RAB3B: variants seen among roughly 807,000 people sequenced by gnomAD.
RAB3B encodes ras-related protein Rab-3B.
A neutral mutation model predicts 20.5 loss-of-function variants in RAB3B; 11 were observed. The observed-to-expected ratio is 0.54, with a 90% CI of 0.34 to 0.89. The LOEUF is 0.89. Among genes scored for constraint, RAB3B ranks in the 40% least tolerant of loss-of-function variants. RAB3B has a pLI of 0.02. For synonymous variants in RAB3B, 99 were observed against 106.3 expected, an observed-to-expected ratio of 0.93 and a Z score of 0.42; for missense variants, 225 against 280.9, an observed-to-expected ratio of 0.80 and a Z score of 1.42.
At chr1:51,984,664 T>G (rs978506581) in intron 1 of RAB3B, among the ~76,000 whole-genome samples, 3 of 152,214 alleles carry the variant, frequency 2.0e-5, no homozygotes, top group Non-Finnish European at 4.4e-5. Context: ...GTTTTTCTAC[T>G]CTTAATTATT....
rs899747376 is a variant in RAB3B, at chr1:51,916,616, G to T, written c.*3311C>A. ...AGTCACTCTTCACAAATGCCCCATT[G>T]CTGGAGCATAGAGGCTGTTCAAAGT... On this transcript the variant is annotated 3_prime_UTR_variant, in exon 5 of 5. Coordinates refer to ENST00000371655, the MANE Select transcript of RAB3B (RefSeq NM_002867.4). 2 of 152,198 alleles carry T rather than the reference G, an allele frequency of 1.3e-5. No homozygotes were observed. Among genetic ancestry groups the T allele is most frequent in the Non-Finnish European group, 2.9e-5 (2 of 68,048 alleles). The allele number at this position is 152,198 out of a possible 1,614,324, so 9.4% of individuals were successfully genotyped here.
intron 4 of RAB3B, among the ~76,000 whole-genome samples, chr1:51,922,101 CATT>C (rs1336475509): frequency 1.3e-5 from 2 of 152,208 alleles, no homozygotes; most frequent in Non-Finnish European, 2.9e-5. Context: ...GCTGCTGGCT[CATT>C]ATACTCAGGC....
intron 2 of RAB3B, among the ~76,000 whole-genome samples, chr1:51,948,205 G>A (rs1389799689): frequency 6.6e-6 from 1 of 152,160 alleles, no homozygotes; most frequent in African/African-American, 2.4e-5. Flanking sequence ...TTGAAGAGGT[G>A]AATGACAGGA....
intron 4 of RAB3B, among the ~76,000 whole-genome samples, chr1:51,932,860 A>G (rs1249811832): frequency 6.6e-6 from 1 of 152,168 alleles, no homozygotes; most frequent in East Asian, 1.9e-4. Flanking sequence ...GGAAGCTCAA[A>G]GACAACATTT....
At chr1:51,990,172 C>T (rs1355646808) in intron 1 of RAB3B, among the ~76,000 whole-genome samples, 1 of 120,010 alleles carries the variant, frequency 8.3e-6, no homozygotes, top group Non-Finnish European at 1.8e-5. Context: ...CCTCGGCTGC[C>T]CGGTACCACC....
Position 51,919,687 on chromosome 1 carries a change from T to C in RAB3B, c.*240A>G, listed in dbSNP as rs549519081. 62 of 399,480 alleles carry C rather than the reference T, an allele frequency of 1.6e-4. No individual in the cohort carries two copies. Among genetic ancestry groups the C allele is most frequent in the Middle Eastern group, 1.3e-3 (2 of 1,570 alleles). 24.7% of individuals were successfully genotyped at this position (399,480 alleles called of 1,614,324 possible). A position where few individuals can be genotyped will look rare whatever the true frequency, so the allele number is the denominator to read the frequency against. On this transcript the variant is annotated 3_prime_UTR_variant, in exon 5 of 5. Coordinates refer to ENST00000371655, the MANE Select transcript of RAB3B (RefSeq NM_002867.4). ...CCCCTTCGTAAAACAGAGTCTTCTT[T>C]TGTAAAGTGATTCTGCACCCGTGTA...
chr1:51,955,500 T>C (rs1407937330), intron 2 of RAB3B, among the ~76,000 whole-genome samples: 2 of 152,100 alleles, frequency 1.3e-5, no homozygotes, highest in Non-Finnish European at 2.9e-5. Context: ...CAAGCGATTC[T>C]CCTGCCTGAG....
rs116378272 is a variant in RAB3B at position 51,938,051 on chromosome 1, G to A, written c.229-639C>T. On this transcript the variant is annotated intron_variant, in intron 2 of 4. Coordinates refer to ENST00000371655, the MANE Select transcript of RAB3B (RefSeq NM_002867.4). ...AAAGCCTTACTCTGTTGCCCAGGCTGAGAGCCCTGGCACAATCATAGCTCA... is the reference window on the plus strand; with the variant it reads ...AAAGCCTTACTCTGTTGCCCAGGCTAAGAGCCCTGGCACAATCATAGCTCA... 6.5e-3 allele frequency among the ~76,000 whole-genome samples: 893 copies of A among 136,480 alleles called. 25 individuals carry two copies. In the South Asian group the frequency reaches 0.095, roughly 15 times the overall value. 89.5% of individuals were successfully genotyped at this position (136,480 alleles called of 152,430 possible). A position where few individuals can be genotyped will look rare whatever the true frequency, so the allele number is the denominator to read the frequency against.
At chr1:51,942,223 C>G (rs1418710727) in intron 2 of RAB3B, among the ~76,000 whole-genome samples, 1 of 152,216 alleles carries the variant, frequency 6.6e-6, no homozygotes, top group Non-Finnish European at 1.5e-5. Context: ...GAGCTCTCCT[C>G]AGTCTCCCTA....
intron 1 of RAB3B, among the ~76,000 whole-genome samples, chr1:51,981,262 A>G (rs544609776): frequency 6.6e-6 from 1 of 152,206 alleles, no homozygotes; most frequent in Non-Finnish European, 1.5e-5. Flanking sequence ...AACCGGGATC[A>G]AGTGATCTGC....
intron 2 of RAB3B, among the ~76,000 whole-genome samples, chr1:51,956,474 G>C (rs554845378): frequency 6.6e-6 from 1 of 152,116 alleles, no homozygotes; most frequent in Non-Finnish European, 1.5e-5. Flanking sequence ...CTGCCTGCTA[G>C]GATGCTAAAC....
At chr1:51,983,310 A>G (rs1348752514) in intron 1 of RAB3B, among the ~76,000 whole-genome samples, 1 of 152,102 alleles carries the variant, frequency 6.6e-6, no homozygotes, top group Non-Finnish European at 1.5e-5. Flanking sequence ...TGATAGAGCC[A>G]GACTTGGTCT....
chr1:51,981,990 T>A (rs1418006157), intron 1 of RAB3B, among the ~76,000 whole-genome samples: 2 of 152,174 alleles, frequency 1.3e-5, no homozygotes, highest in Admixed American at 1.3e-4. Context: ...TCTATTTATA[T>A]TTAATATTTT....
At chr1:51,954,232 A>C (rs757736478) in intron 2 of RAB3B, among the ~76,000 whole-genome samples, 2 of 152,254 alleles carry the variant, frequency 1.3e-5, no homozygotes, top group African/African-American at 2.4e-5. Flanking sequence ...CATCTTTTGT[A>C]TAAAGTACAA....
In RAB3B at chr1:51,918,076, G is replaced by A. The variant is rs774935474; in HGVS notation, c.*1851C>T. The A allele has an allele frequency of 6.6e-6, 1 of 152,172 alleles. No homozygotes were observed. The highest frequency in any genetic ancestry group is 1.5e-5 in the Non-Finnish European group (1 of 68,040). The allele number at this position is 152,172 out of a possible 1,614,324, so 9.4% of individuals were successfully genotyped here. A position where few individuals can be genotyped will look rare whatever the true frequency, so the allele number is the denominator to read the frequency against. ...AAAATATGTCCCTGTGGCCAAGCAA[G>A]CTAGAATAATGAGCTAATTTATTCT... is the stretch of plus-strand genomic sequence containing the variant. On this transcript the variant is annotated 3_prime_UTR_variant, in exon 5 of 5. Coordinates refer to ENST00000371655, the MANE Select transcript of RAB3B (RefSeq NM_002867.4).
chr1:51,937,359 C>T lies in RAB3B; in HGVS notation c.282G>A (p.Gly94=), dbSNP rs756861729. The part of the protein sequence containing the change: ...YRTITTAYYR[G]AMGFILMYDI... The stretch of plus-strand genomic sequence containing the variant: ...CATACATCAGAATGAAGCCCATGGC[C>T]CCACGGTAATAGGCTGTTGTGATGG... Residue 94 remains glycine (G), a synonymous_variant, in exon 3 of 5, where the codon GGG becomes GGA. Coordinates refer to ENST00000371655, the MANE Select transcript of RAB3B (RefSeq NM_002867.4). 1.9e-6 allele frequency: 3 copies of T among 1,613,524 alleles called. No homozygotes were observed. The highest frequency in any genetic ancestry group is 2.7e-5 in the African/African-American group (2 of 74,880).
chr1:51,989,847 C>G (rs1685199833), intron 1 of RAB3B, among the ~76,000 whole-genome samples: 1 of 151,008 alleles, frequency 6.6e-6, no homozygotes, highest in African/African-American at 2.4e-5. Flanking sequence ...ACGCCGGTCC[C>G]CAGCCGGGCT....
intron 2 of RAB3B, among the ~76,000 whole-genome samples, chr1:51,968,408 ATTC>A (rs1390354814): frequency 2.0e-5 from 3 of 152,178 alleles, no homozygotes; most frequent in Admixed American, 1.3e-4. Flanking sequence ...TTGATATCCT[ATTC>A]TTCTTCCCCT....
chr1:51,966,692 T>C (rs1361836893), intron 2 of RAB3B, among the ~76,000 whole-genome samples: 1 of 152,196 alleles, frequency 6.6e-6, no homozygotes, highest in Non-Finnish European at 1.5e-5. Flanking sequence ...AGTGTCAGCA[T>C]GTTTCTGCAG....
Sources: gnomAD v4.1 joint callset for allele counts (sites outside exome capture counted in the v4.1 genomes callset) on GRCh38, gnomAD v4.1.1 for gene constraint, MANE v1.5 for transcripts, NCBI Gene and HGNC (gene_info 2026-07-23, HGNC 2026-07-21) for gene names.